The following GABRG3 variants were observed in gnomAD, a reference collection of about 807,000 sequenced individuals.
GABRG3 encodes the protein gamma-aminobutyric acid type A receptor subunit gamma3.
Under a neutral mutation model 48.8 loss-of-function variants are expected in GABRG3, and 25 were observed. That is an observed-to-expected ratio of 0.51 (90% CI 0.37 to 0.72). The LOEUF is 0.72. Among genes scored for constraint, GABRG3 ranks in the 30% least tolerant of loss-of-function variants. The pLI is 0.00. For missense variants in GABRG3, 394 were observed against 577.9 expected (o/e 0.68, Z 3.26); for synonymous variants, 227 against 217.6 (o/e 1.04, Z -0.38).
chr15:27,076,129 G>A (rs1385558778), intron 3 of GABRG3, among the ~76,000 whole-genome samples: 1 of 152,074 alleles, frequency 6.6e-6, no homozygotes, highest in Non-Finnish European at 1.5e-5. Flanking sequence ...TTCAGCAAGA[G>A]CCCTGGCACC....
intron 5 of GABRG3, among the ~76,000 whole-genome samples, chr15:27,368,532 A>C (rs1002700689): frequency 6.6e-6 from 1 of 152,236 alleles, no homozygotes; most frequent in Admixed American, 6.5e-5. Context: ...TCCAAGGTGC[A>C]TAGTTGGGCA....
At chr15:27,517,945 A>G (rs1375665791) in intron 6 of GABRG3, among the ~76,000 whole-genome samples, 2 of 152,082 alleles carry the variant, frequency 1.3e-5, no homozygotes, top group African/African-American at 2.4e-5. Context: ...TCTATCAACA[A>G]CTCTAAATAT....
chr15:27,516,564 C>T (rs1184533419), intron 6 of GABRG3, among the ~76,000 whole-genome samples: 2 of 152,202 alleles, frequency 1.3e-5, no homozygotes, highest in Non-Finnish European at 2.9e-5. Flanking sequence ...GCAATCTAAT[C>T]TAAGCCAATA....
intron 5 of GABRG3, among the ~76,000 whole-genome samples, chr15:27,337,811 C>A (rs1183227369): frequency 6.6e-6 from 1 of 152,298 alleles, no homozygotes; most frequent in East Asian, 1.9e-4. Context: ...TGCAAATATG[C>A]ATGTATTTGT....
chr15:27,196,813 C>T (rs1444332900), intron 3 of GABRG3, among the ~76,000 whole-genome samples: 2 of 152,180 alleles, frequency 1.3e-5, no homozygotes, highest in Non-Finnish European at 2.9e-5. Context: ...TGGGCAGTAG[C>T]CTCAGGATTG....
At position 27,313,196 on chromosome 15, in the gene GABRG3, G is replaced by GTA. The variant is rs201133227; in HGVS notation, c.271-13601_271-13600dup. 1.7e-3 allele frequency among the ~76,000 whole-genome samples: 214 copies of GTA among 127,740 alleles called. 2 individuals are homozygous for GTA. Among genetic ancestry groups the GTA allele is most frequent in the African/African-American group, 4.8e-3 (165 of 34,182 alleles). The allele number at this position is 127,740 out of a possible 152,430, so 83.8% of individuals were successfully genotyped here. A position where few individuals can be genotyped will look rare whatever the true frequency, so the allele number is the denominator to read the frequency against. ...AGCAGAAACATATATATATATATGT[G>GTA]TATATATATATATGTATATGTATAT... On this transcript the variant is annotated intron_variant, in intron 3 of 9. Coordinates refer to ENST00000615808, the MANE Select transcript of GABRG3 (RefSeq NM_033223.5).
intron 7 of GABRG3, among the ~76,000 whole-genome samples, chr15:27,521,124 GATATA>G (rs946323887): frequency 2.6e-5 from 4 of 152,032 alleles, no homozygotes; most frequent in African/African-American, 7.2e-5. Flanking sequence ...GCTTCAAAGT[GATATA>G]ATATATAACT....
At position 27,468,377 on chromosome 15, in the gene GABRG3, A is replaced by G. The variant is rs148116746; in HGVS notation, c.575-12273A>G. Among the ~76,000 whole-genome samples the G allele has an allele frequency of 2.1e-3, 325 of 152,286 alleles. 6 individuals carry two copies. The East Asian group carries it at 0.055, about 26-fold the overall frequency. On this transcript the variant is annotated intron_variant, in intron 5 of 9. Transcript: ENST00000615808. ...AACTGTGGTGCCACCCATTTTTACA[A>G]CAAATATGGGTGTTCCTGGAACTGT...
intron 3 of GABRG3, among the ~76,000 whole-genome samples, chr15:27,211,821 T>C (rs191444383): frequency 1.3e-5 from 2 of 152,180 alleles, no homozygotes; most frequent in South Asian, 2.1e-4. Context: ...ATTACTGTCA[T>C]TTATCTGCAA....
chr15:27,250,895 A>T (rs1890433261), intron 3 of GABRG3, among the ~76,000 whole-genome samples: 1 of 151,080 alleles, frequency 6.6e-6, no homozygotes, highest in African/African-American at 2.5e-5. Flanking sequence ...CGCTGGGTGC[A>T]GCGCTTCTCT....
At chr15:27,129,546 T>A (rs560354486) in intron 3 of GABRG3, among the ~76,000 whole-genome samples, 1 of 152,304 alleles carries the variant, frequency 6.6e-6, no homozygotes, top group South Asian at 2.1e-4. Context: ...TCAATTCTTT[T>A]GGGTGTACAC....
chr15:27,368,180 T>C (rs889420546), intron 5 of GABRG3, among the ~76,000 whole-genome samples: 2 of 152,174 alleles, frequency 1.3e-5, no homozygotes, highest in Non-Finnish European at 2.9e-5. Flanking sequence ...CAGAGCTCAA[T>C]GGTCAAGATC....
chr15:27,099,357 T>C (rs1897317971), intron 3 of GABRG3, among the ~76,000 whole-genome samples: 2 of 152,150 alleles, frequency 1.3e-5, no homozygotes, highest in Admixed American at 6.6e-5. Flanking sequence ...TCCAAGATCA[T>C]CAGGTTTGGT....
chr15:27,296,951 T>G (rs1296650024), intron 3 of GABRG3, among the ~76,000 whole-genome samples: 3 of 152,042 alleles, frequency 2.0e-5, no homozygotes, highest in Admixed American at 6.6e-5. Flanking sequence ...TGTGTGCTAT[T>G]GCCCCTGAAA....
chr15:27,291,673 T>C (rs1891797197), intron 3 of GABRG3, among the ~76,000 whole-genome samples: 1 of 152,190 alleles, frequency 6.6e-6, no homozygotes, highest in Non-Finnish European at 1.5e-5. Context: ...ATGTTCCAAA[T>C]TTTGTCAAAA....
Position 27,307,763 on chromosome 15 carries a change from A to AC in GABRG3, c.271-19046_271-19045insC, listed in dbSNP as rs549641545. On this transcript the variant is annotated intron_variant, in intron 3 of 9. Transcript: ENST00000615808. ...CATAGGTTTATATATAAACATATAA[A>AC]ATAAACATATGTTTATATATAAACA... Among the ~76,000 whole-genome samples the AC allele has an allele frequency of 6.6e-3, 850 of 128,464 alleles. 26 individuals carry two copies. Among genetic ancestry groups the AC allele is most frequent in the African/African-American group, 0.025 (818 of 32,946 alleles). 84.3% of individuals were successfully genotyped at this position (128,464 alleles called of 152,430 possible). A position where few individuals can be genotyped will look rare whatever the true frequency, so the allele number is the denominator to read the frequency against.
intron 5 of GABRG3, among the ~76,000 whole-genome samples, chr15:27,393,098 C>T (rs1218786237): frequency 3.3e-5 from 5 of 152,066 alleles, no homozygotes; most frequent in Non-Finnish European, 5.9e-5. Context: ...GTAATCCGAG[C>T]ACTTTGGGAG....
intron 6 of GABRG3, among the ~76,000 whole-genome samples, chr15:27,517,269 C>G (rs540040709): frequency 6.6e-6 from 1 of 152,150 alleles, no homozygotes; most frequent in African/African-American, 2.4e-5. Flanking sequence ...GATGCTGCCT[C>G]CTCCGTCATT....
chr15:27,354,343 C>T (rs974016520), intron 5 of GABRG3, among the ~76,000 whole-genome samples: 20 of 152,210 alleles, frequency 1.3e-4, no homozygotes, highest in African/African-American at 4.8e-4. Flanking sequence ...CAGTGGAGTG[C>T]AGGGCTTGCC....
Sources: allele counts gnomAD v4.1 joint callset (sites outside exome capture counted in the v4.1 genomes callset), GRCh38; gene constraint gnomAD v4.1.1; transcripts MANE v1.5; gene names NCBI Gene and HGNC (gene_info 2026-07-23, HGNC 2026-07-21).